The following TRPC4 variants were observed in gnomAD, a reference collection of about 807,000 sequenced individuals.
TRPC4 encodes the protein transient receptor potential cation channel subfamily C member 4.
In TRPC4, 49 loss-of-function variants were observed where a neutral mutation model predicts 99.4. The observed-to-expected ratio is 0.49, with a 90% CI of 0.39 to 0.63. The LOEUF is 0.63. TRPC4 is among the 20% of genes least tolerant of loss of function. TRPC4 has a pLI of 0.00. For missense variants in TRPC4, 898 were observed against 1,152.9 expected (o/e 0.78, Z 3.20); for synonymous variants, 454 against 425.9 (o/e 1.07, Z -0.81).
At chr13:37,719,643 A>G (rs574517171) in intron 3 of TRPC4, among the ~76,000 whole-genome samples, 2 of 152,294 alleles carry the variant, frequency 1.3e-5, no homozygotes, top group African/African-American at 4.8e-5. Context: ...GTATATGTCA[A>G]CTACAGCATA....
chr13:37,841,620 T>C (rs1380598989), intron 1 of TRPC4, among the ~76,000 whole-genome samples: 1 of 151,738 alleles, frequency 6.6e-6, no homozygotes, highest in African/African-American at 2.4e-5. Context: ...GATCTATAGA[T>C]GACAAATAAG....
chr13:37,824,536 G>A (rs1332365026), intron 1 of TRPC4, among the ~76,000 whole-genome samples: 1 of 151,946 alleles, frequency 6.6e-6, no homozygotes. Flanking sequence ...ATAATCATGT[G>A]GTTTTTGTCT....
intron 2 of TRPC4, among the ~76,000 whole-genome samples, chr13:37,767,354 ATC>A (rs1199923926): frequency 7.5e-5 from 10 of 133,766 alleles, no homozygotes; most frequent in South Asian, 2.5e-4. Flanking sequence ...ATATATATAT[ATC>A]TATATATACA....
Position 37,757,717 on chromosome 13 carries a change from A to G in TRPC4, c.379-11262T>C, listed in dbSNP as rs372354188. On this transcript the variant is annotated intron_variant, in intron 2 of 10. Coordinates refer to ENST00000379705, the MANE Select transcript of TRPC4 (RefSeq NM_016179.4). ...ATCTGGGGAAAGATCCAGAAGATCT[A>G]AAATGTAAATAAAAGTTACTGAAAG... Among the ~76,000 whole-genome samples, 6 of 152,082 alleles carry G rather than the reference A, an allele frequency of 3.9e-5. No individual in the cohort carries two copies. The East Asian group carries it at 5.8e-4, about 15-fold the overall frequency.
At chr13:37,703,399 T>A (rs1303913346) in intron 3 of TRPC4, among the ~76,000 whole-genome samples, 2 of 152,116 alleles carry the variant, frequency 1.3e-5, no homozygotes, top group East Asian at 3.9e-4. Context: ...TAATTTAAGA[T>A]TTAGAGAGTT....
chr13:37,647,981 T>A (rs748499789), intron 8 of TRPC4, among the ~76,000 whole-genome samples: 3 of 152,228 alleles, frequency 2.0e-5, no homozygotes, highest in Non-Finnish European at 4.4e-5. Context: ...TCTCGCTCTG[T>A]CACCAGGCTG....
chr13:37,776,074 G>A (rs941409067), intron 2 of TRPC4, among the ~76,000 whole-genome samples: 2 of 151,700 alleles, frequency 1.3e-5, no homozygotes, highest in Non-Finnish European at 2.9e-5. Context: ...CATCTTTTAA[G>A]AATTCTTTCT....
intron 3 of TRPC4, among the ~76,000 whole-genome samples, chr13:37,701,966 T>C (rs1281981862): frequency 6.6e-6 from 1 of 152,144 alleles, no homozygotes; most frequent in African/African-American, 2.4e-5. Context: ...TTTTTTCTCA[T>C]AGTTCTGAAA....
intron 6 of TRPC4, among the ~76,000 whole-genome samples, chr13:37,661,643 G>C (rs1475838605): frequency 6.6e-6 from 1 of 152,102 alleles, no homozygotes; most frequent in Non-Finnish European, 1.5e-5. Context: ...CATTCACAAG[G>C]GTTCTCCATC....
At chr13:37,685,490 A>G (rs969879336) in intron 4 of TRPC4, among the ~76,000 whole-genome samples, 1 of 152,178 alleles carries the variant, frequency 6.6e-6, no homozygotes, top group Non-Finnish European at 1.5e-5. Context: ...TTCGAACAAA[A>G]GAATGCATTT....
At chr13:37,832,943 T>C (rs1958463203) in intron 1 of TRPC4, among the ~76,000 whole-genome samples, 3 of 152,192 alleles carry the variant, frequency 2.0e-5, no homozygotes, top group Admixed American at 2.0e-4. Context: ...TTATTTATCC[T>C]ACTATGTCTA....
intron 3 of TRPC4, among the ~76,000 whole-genome samples, chr13:37,708,248 T>G (rs2138970877): frequency 6.6e-6 from 1 of 152,264 alleles, no homozygotes; most frequent in East Asian, 1.9e-4. Context: ...CTCAAGAATT[T>G]CTTGCTAAGC....
intron 1 of TRPC4, among the ~76,000 whole-genome samples, chr13:37,835,176 G>A (rs1958533136): frequency 6.6e-6 from 1 of 152,062 alleles, no homozygotes; most frequent in Admixed American, 6.5e-5. Context: ...TTCAAAGTTG[G>A]TAGTCAGTTT....
intron 1 of TRPC4, among the ~76,000 whole-genome samples, chr13:37,828,988 A>T (rs369737934): frequency 6.6e-6 from 1 of 152,206 alleles, no homozygotes; most frequent in Non-Finnish European, 1.5e-5. Flanking sequence ...AAAAAAATTT[A>T]AAAAGAGCTA....
intron 1 of TRPC4, among the ~76,000 whole-genome samples, chr13:37,847,280 A>G (rs1026637093): frequency 6.6e-6 from 1 of 152,124 alleles, no homozygotes; most frequent in African/African-American, 2.4e-5. Flanking sequence ...AGGATAGATC[A>G]CATATTATGC....
chr13:37,754,537 A>T (rs1242717928), intron 2 of TRPC4, among the ~76,000 whole-genome samples: 4 of 152,162 alleles, frequency 2.6e-5, no homozygotes, highest in African/African-American at 9.6e-5. Flanking sequence ...CTAAGAAGCA[A>T]ACCACATACT....
intron 1 of TRPC4, among the ~76,000 whole-genome samples, chr13:37,842,053 T>G (rs1958744237): frequency 6.6e-6 from 1 of 151,916 alleles, no homozygotes; most frequent in Non-Finnish European, 1.5e-5. Flanking sequence ...GTGGATCACT[T>G]GAGGTCAGGG....
intron 1 of TRPC4, among the ~76,000 whole-genome samples, chr13:37,827,562 G>A (rs1958271276): frequency 6.6e-6 from 1 of 152,112 alleles, no homozygotes; most frequent in African/African-American, 2.4e-5. Flanking sequence ...CTGCTGGGGG[G>A]TGCCTCCCAG....
At chr13:37,648,135 G>T (rs974922382) in intron 8 of TRPC4, among the ~76,000 whole-genome samples, 2 of 152,078 alleles carry the variant, frequency 1.3e-5, no homozygotes, top group Non-Finnish European at 2.9e-5. Context: ...TAGAGACAGG[G>T]TTTCACCGTG....
Sources: gnomAD v4.1 joint callset for allele counts (sites outside exome capture counted in the v4.1 genomes callset) on GRCh38, gnomAD v4.1.1 for gene constraint, MANE v1.5 for transcripts, NCBI Gene and HGNC (gene_info 2026-07-23, HGNC 2026-07-21) for gene names.